Variants in PDE4DIP observed in about 807,000 individuals in gnomAD.
The protein encoded by PDE4DIP is myomegalin.
A neutral mutation model predicts 221.4 loss-of-function variants in PDE4DIP; 59 were observed. The observed-to-expected ratio is 0.27, with a 90% confidence interval of 0.22 to 0.33. The LOEUF (loss-of-function observed/expected upper bound fraction) is 0.33. Ranked by LOEUF, PDE4DIP falls within the 10% of genes least tolerant of loss-of-function variation. PDE4DIP has a pLI of 1.00. For missense variants in PDE4DIP, 1,036 were observed against 2,154.2 expected, an observed-to-expected ratio of 0.48 and a Z score of 10.28; for synonymous variants, 404 against 815.9, an observed-to-expected ratio of 0.50 and a Z score of 8.60.
intron 32 of PDE4DIP, among the ~76,000 whole-genome samples, chr1:149,013,473 T>C (rs1180348705): frequency 2.5e-5 from 2 of 79,414 alleles, no homozygotes; most frequent in African/African-American, 5.2e-5. Context: ...GATGTATTTG[T>C]AGGCTGGATG....
At chr1:148,953,403 C>T (rs375574042) in intron 5 of PDE4DIP, 1 of 1,614,146 alleles carries the variant, frequency 6.2e-7, no homozygotes, top group African/African-American at 1.3e-5. Context: ...AGCATTTGCA[C>T]TGAAGAACCA....
At chr1:148,949,126 T>C (rs1312739828) in intron 5 of PDE4DIP, among the ~76,000 whole-genome samples, 1 of 152,228 alleles carries the variant, frequency 6.6e-6, no homozygotes, top group Non-Finnish European at 1.5e-5. Context: ...AAAATGTGTT[T>C]CATCTACCTT....
intron 1 of PDE4DIP, among the ~76,000 whole-genome samples, chr1:148,896,392 CT>C (rs1553442149): frequency 7.0e-6 from 1 of 142,622 alleles, no homozygotes; most frequent in African/African-American, 2.6e-5. Context: ...TGCTTGTCTT[CT>C]TATATGTAGC....
Position 148,859,498 on chromosome 1 carries a change from G to A in PDE4DIP, c.234-3752G>A, listed in dbSNP as rs587643218. On this transcript the variant is annotated intron_variant, in intron 1 of 45. Transcript: ENST00000524974. ...TTTAGTGGAATTGGTATTGTCATTA[G>A]CAGATTGATGACGTAGGGAGAAAGA... Among the ~76,000 whole-genome samples the A allele has an allele frequency of 5.3e-3, 807 of 151,908 alleles. 1 individual carries two copies. Among genetic ancestry groups the A allele is most frequent in the South Asian group, 0.026 (124 of 4,806 alleles).
At chr1:149,010,468 T>C (rs1553604196) in exon 31 of PDE4DIP, 1 of 1,613,226 alleles carries the variant, frequency 6.2e-7, no homozygotes, top group East Asian at 2.2e-5. Context: ...CGAGTCATTC[T>C]GCTGTGTTGT....
At chr1:148,889,145 G>A (rs1468936954), upstream of PDE4DIP, among the ~76,000 whole-genome samples, 3 of 152,176 alleles carry the variant, frequency 2.0e-5, no homozygotes, top group African/African-American at 4.8e-5. Flanking sequence ...ACAGAAAGGG[G>A]ATATTTGACA....
chr1:149,031,803 A>G (rs1204682612), intron 43 of PDE4DIP, 141 bp from the exon 47 acceptor site: 21 of 760,796 alleles, frequency 2.8e-5, no homozygotes, highest in Middle Eastern at 3.5e-4. Context: ...ACTGCAGCGC[A>G]TGCTCTTAGC....
intron 22 of PDE4DIP, among the ~76,000 whole-genome samples, chr1:148,997,034 G>A (rs1553565546): frequency 6.6e-6 from 1 of 152,252 alleles, no homozygotes; most frequent in African/African-American, 2.4e-5. Context: ...GGGGAGGGGT[G>A]GAAAATTCAG....
chr1:148,984,144 G>A (rs1403654548), intron 21 of PDE4DIP: 2 of 151,996 alleles, frequency 1.3e-5, no homozygotes. Flanking sequence ...TTCATCTGAT[G>A]TTCTCTTTTT....
chr1:148,859,356 T>G (rs1432469966), intron 1 of PDE4DIP, among the ~76,000 whole-genome samples: 3 of 147,650 alleles, frequency 2.0e-5, no homozygotes, highest in Non-Finnish European at 4.5e-5. Context: ...AAAATATGAG[T>G]GATATACCAT....
chr1:149,001,805 C>G (rs147532235), exon 24 of PDE4DIP: 7 of 1,466,566 alleles, frequency 4.8e-6, no homozygotes, highest in Non-Finnish European at 6.7e-6. Context: ...TATCATCAAC[C>G]TCCTCAAAGA....
chr1:149,020,872 A>G (rs587709282), intron 36 of PDE4DIP, 157 bp from the exon 40 acceptor site: 6,823 of 577,994 alleles, frequency 0.012, 65 homozygotes, highest in African/African-American at 0.04. Context: ...TAAAAGTGAT[A>G]GTCTTCATGA....
chr1:148,977,704 A>G (rs2060454249), intron 17 of PDE4DIP, among the ~76,000 whole-genome samples: 1 of 152,122 alleles, frequency 6.6e-6, no homozygotes, highest in South Asian at 2.1e-4. Context: ...AACAAATTTG[A>G]TGTGTTTTAT....
chr1:149,028,672 G>A (rs368043502), exon 41 of PDE4DIP: 6 of 1,600,164 alleles, frequency 3.7e-6, no homozygotes, highest in Non-Finnish European at 5.1e-6. Context: ...GCCCTGCCAA[G>A]CACCCACATC....
At chr1:148,984,249 C>T (rs1574858900) in intron 21 of PDE4DIP, 1 of 151,996 alleles carries the variant, frequency 6.6e-6, no homozygotes, top group Non-Finnish European at 1.5e-5. Flanking sequence ...TATCTGTCAC[C>T]CAACCTTCTC....
chr1:148,958,370 C>T (rs2055930111), intron 5 of PDE4DIP, among the ~76,000 whole-genome samples: 1 of 152,164 alleles, frequency 6.6e-6, no homozygotes, highest in South Asian at 2.1e-4. Flanking sequence ...AATTCATTCA[C>T]CACAGCATGA....
chr1:148,951,671 C>T (rs1447172310), intron 5 of PDE4DIP, among the ~76,000 whole-genome samples: 2 of 152,288 alleles, frequency 1.3e-5, no homozygotes, highest in African/African-American at 4.8e-5. Context: ...TAAAAAAGCC[C>T]ATTTCTCTTC....
intron 21 of PDE4DIP, chr1:148,982,803 T>C (rs1442696970): frequency 6.6e-6 from 1 of 152,170 alleles, no homozygotes; most frequent in Non-Finnish European, 1.5e-5. Flanking sequence ...CTTCCATTTT[T>C]TTTTTACATG....
chr1:149,029,686 G>A lies in PDE4DIP; in HGVS notation c.6814-101G>A, dbSNP rs1434730848. 5 of 766,638 alleles carry A rather than the reference G, an allele frequency of 6.5e-6. 1 individual carries two copies. The East Asian group carries it at 7.5e-5, about 11-fold the overall frequency. The allele number at this position is 766,638 out of a possible 1,614,324, so 47.5% of individuals were successfully genotyped here. A position where few individuals can be genotyped will look rare whatever the true frequency, so the allele number is the denominator to read the frequency against. ...GGAGGAAATCCAGTTCAAGAGAGTT[G>A]AGAAGACTGTAGAATCCTTCTTTGA... On this transcript the variant is annotated intron_variant, in intron 41 of 43. Transcript: ENST00000369354.
Sources: allele counts gnomAD v4.1 joint callset (sites outside exome capture counted in the v4.1 genomes callset), GRCh38; gene constraint gnomAD v4.1.1; transcripts MANE v1.5; gene names NCBI Gene and HGNC (gene_info 2026-07-23, HGNC 2026-07-21).